Variants in NEDD4 observed in about 807,000 individuals in gnomAD.
NEDD4 encodes the protein NEDD4 E3 ubiquitin protein ligase.
Under a neutral mutation model 144.9 loss-of-function variants are expected in NEDD4, and 99 were observed. The observed-to-expected ratio is 0.68, with a 90% CI of 0.58 to 0.81. NEDD4 has a LOEUF of 0.81. Among genes scored for constraint, NEDD4 ranks in the 30% least tolerant of loss-of-function variants. The pLI is 0.00. For synonymous variants in NEDD4, 318 were observed against 350.6 expected (o/e 0.91, Z 1.04); for missense variants, 985 against 1,065.9 (o/e 0.92, Z 1.06).
At position 55,955,058 on chromosome 15, in the gene NEDD4, T is replaced by G. The variant is rs529051170; in HGVS notation, c.120-3469A>C. Among the ~76,000 whole-genome samples the G allele has an allele frequency of 2.0e-5, 3 of 149,382 alleles. No individual in the cohort carries two copies. In the East Asian group the frequency reaches 5.8e-4, roughly 29 times the overall value. On this transcript the variant is annotated intron_variant, in intron 2 of 28. Coordinates refer to ENST00000435532, the MANE Select transcript of NEDD4 (RefSeq NM_006154.4). ...TTTTTTGAGACAGAGTCTTGCAACG[T>G]TGCCCAGGCTGGAGTGCAGTGCTGC...
At position 55,862,988 on chromosome 15, in the gene NEDD4, C is replaced by T. The variant is rs2034461501; in HGVS notation, c.599G>A (p.Arg200Lys). ...ATAGGTCCTTCCAAGGATATCCTGC[C>T]TCTCTTCCCACCCTGGAGGTAGAGG... ...PSPLPPGWEERQDILGRTYYV... is the reference protein window; with the variant it reads ...PSPLPPGWEEKQDILGRTYYV... Residue 200 changes from arginine to lysine, a missense_variant, in exon 9 of 29, where the codon AGG (arginine) becomes AAG (lysine). Transcript: ENST00000435532. The T allele has an allele frequency of 1.9e-6, 3 of 1,607,334 alleles. No homozygotes were observed. The East Asian group carries it at 6.7e-5, about 36-fold the overall frequency.
At chr15:55,977,204 C>T (rs982842346) in intron 1 of NEDD4, among the ~76,000 whole-genome samples, 17 of 152,182 alleles carry the variant, frequency 1.1e-4, no homozygotes, top group African/African-American at 4.1e-4. Context: ...CAATGATGGA[C>T]AGCATATATG....
intron 5 of NEDD4, among the ~76,000 whole-genome samples, chr15:55,896,105 C>T (rs1007719875): frequency 6.6e-6 from 1 of 152,114 alleles, no homozygotes. Context: ...CAAAAGCCCC[C>T]CAATAGCTGC....
intron 5 of NEDD4, among the ~76,000 whole-genome samples, chr15:55,911,730 G>T (rs569429145): frequency 2.6e-4 from 40 of 152,002 alleles, no homozygotes; most frequent in African/African-American, 9.2e-4. Context: ...GGGTTTCACC[G>T]TGTTAGCCAG....
At chr15:55,878,640 T>TA (rs1426069523) in intron 5 of NEDD4, among the ~76,000 whole-genome samples, 2 of 152,296 alleles carry the variant, frequency 1.3e-5, no homozygotes, top group East Asian at 3.9e-4. Flanking sequence ...AAATATCCTC[T>TA]AAAATACTTC....
At chr15:55,842,575 G>A (rs1595735773) in intron 18 of NEDD4, among the ~76,000 whole-genome samples, 1 of 152,088 alleles carries the variant, frequency 6.6e-6, no homozygotes, top group East Asian at 1.9e-4. Context: ...TTGAGGTCTT[G>A]CCATCTTGCC....
intron 5 of NEDD4, among the ~76,000 whole-genome samples, chr15:55,921,001 A>G (rs2036559078): frequency 6.6e-6 from 1 of 152,226 alleles, no homozygotes; most frequent in African/African-American, 2.4e-5. Flanking sequence ...CACAGTAGAT[A>G]TACTAAATGG....
At chr15:55,839,981 AAAAAAAAAAAAAAAAAAAATATATAT>A (rs2033395421) in intron 21 of NEDD4, among the ~76,000 whole-genome samples, 1 of 35,686 alleles carries the variant, frequency 2.8e-5, no homozygotes, top group African/African-American at 9.9e-5. Context: ...CTCAAAAAAA[AAAAAAAAAAAAAAAAAAAATATATAT>A]ATATATATAT....
At chr15:55,910,844 C>A (rs1595833063) in intron 5 of NEDD4, among the ~76,000 whole-genome samples, 1 of 152,178 alleles carries the variant, frequency 6.6e-6, no homozygotes, top group Non-Finnish European at 1.5e-5. Flanking sequence ...AACTTTAATT[C>A]ATTTATAATC....
chr15:55,930,274 A>G (rs1029036737), intron 4 of NEDD4, among the ~76,000 whole-genome samples: 3 of 152,228 alleles, frequency 2.0e-5, no homozygotes, highest in Non-Finnish European at 4.4e-5. Flanking sequence ...GAAAATATTT[A>G]CTATCTGTCC....
At chr15:55,944,166 G>C (rs2037063832) in intron 4 of NEDD4, among the ~76,000 whole-genome samples, 1 of 152,240 alleles carries the variant, frequency 6.6e-6, no homozygotes, top group South Asian at 2.1e-4. Context: ...CAGAGGGCAA[G>C]CCGAAGCAGG....
intron 14 of NEDD4, among the ~76,000 whole-genome samples, chr15:55,850,322 G>C (rs1254814204): frequency 2.6e-5 from 4 of 152,014 alleles, no homozygotes; most frequent in Non-Finnish European, 4.4e-5. Context: ...ACTGGAAATA[G>C]GAAGTAAACA....
chr15:55,967,087 A>G (rs12437882), intron 1 of NEDD4, among the ~76,000 whole-genome samples: 20,323 of 152,066 alleles, frequency 0.13, 1,474 homozygotes, highest in East Asian at 0.32. Flanking sequence ...GGGTTTCACC[A>G]TTGGCTGGGC....
At chr15:55,947,069 T>C (rs1451883622) in intron 4 of NEDD4, among the ~76,000 whole-genome samples, 2 of 152,012 alleles carry the variant, frequency 1.3e-5, no homozygotes, top group Non-Finnish European at 1.5e-5. Flanking sequence ...AGATCTAAAA[T>C]TGACACCCTA....
chr15:55,917,067 T>C, intron 5 of NEDD4: 1 of 1,254,332 alleles, frequency 8.0e-7, no homozygotes, highest in Non-Finnish European at 1.0e-6. Flanking sequence ...TCGCTTGTAG[T>C]CAAAATGCCT....
At chr15:55,985,054 T>C (rs1183430023) in intron 1 of NEDD4, among the ~76,000 whole-genome samples, 1 of 152,208 alleles carries the variant, frequency 6.6e-6, no homozygotes, top group Non-Finnish European at 1.5e-5. Flanking sequence ...GACTGATGTT[T>C]AATTATGCAA....
chr15:55,858,927 C>T (rs2034298046), intron 11 of NEDD4, among the ~76,000 whole-genome samples: 1 of 152,170 alleles, frequency 6.6e-6, no homozygotes, highest in Admixed American at 6.5e-5. Context: ...AATGATGTGG[C>T]TGTATTCCAA....
At chr15:55,895,014 G>A (rs539494239) in intron 5 of NEDD4, among the ~76,000 whole-genome samples, 5 of 152,134 alleles carry the variant, frequency 3.3e-5, no homozygotes, top group African/African-American at 1.2e-4. Flanking sequence ...AAAAAGGGAG[G>A]GGCTCATCCC....
At chr15:55,894,575 TGAGGTG>T (rs2035680144) in intron 5 of NEDD4, among the ~76,000 whole-genome samples, 1 of 151,942 alleles carries the variant, frequency 6.6e-6, no homozygotes, top group Non-Finnish European at 1.5e-5. Context: ...CAGATTGGGG[TGAGGTG>T]GAAGTCAGGA....
Sources: gnomAD v4.1 joint callset for allele counts (sites outside exome capture counted in the v4.1 genomes callset) on GRCh38, gnomAD v4.1.1 for gene constraint, MANE v1.5 for transcripts, NCBI Gene and HGNC (gene_info 2026-07-23, HGNC 2026-07-21) for gene names.